OPCML: variants seen among roughly 807,000 people sequenced by gnomAD.
The protein encoded by OPCML is opioid binding protein/cell adhesion molecule like, also known as opioid-binding protein/cell adhesion molecule.
Under a neutral mutation model 37.8 loss-of-function variants are expected in OPCML, and 13 were observed. The observed-to-expected ratio is 0.34, with a 90% CI of 0.22 to 0.55. The LOEUF is 0.55. OPCML is among the 20% of genes least tolerant of loss of function. The pLI is 0.91. For synonymous variants in OPCML, 176 were observed against 168.8 expected (o/e 1.04, Z -0.33); for missense variants, 341 against 435.6 (o/e 0.78, Z 1.93).
intron 3 of OPCML, among the ~76,000 whole-genome samples, chr11:132,643,909 T>G (rs73593148): frequency 0.048 from 7,309 of 152,294 alleles, 441 homozygotes; most frequent in African/African-American, 0.14. Context: ...GCAAACTTTG[T>G]GTCTGAAAGA....
At chr11:132,535,012 A>T (rs1427228945) in intron 3 of OPCML, among the ~76,000 whole-genome samples, 1 of 147,640 alleles carries the variant, frequency 6.8e-6, no homozygotes, top group Non-Finnish European at 1.5e-5. Flanking sequence ...ACACACACAC[A>T]TATATATATA....
At chr11:132,764,375 C>T (rs1946368934) in intron 2 of OPCML, among the ~76,000 whole-genome samples, 1 of 152,180 alleles carries the variant, frequency 6.6e-6, no homozygotes, top group Non-Finnish European at 1.5e-5. Flanking sequence ...CTCATCCTAC[C>T]TGCTGGGGAA....
At chr11:133,137,084 G>A (rs1278776279) in intron 1 of OPCML, among the ~76,000 whole-genome samples, 2 of 152,134 alleles carry the variant, frequency 1.3e-5, no homozygotes, top group African/African-American at 2.4e-5. Flanking sequence ...CTCATCGCTG[G>A]TTTAGCTCCT....
intron 2 of OPCML, among the ~76,000 whole-genome samples, chr11:132,776,948 T>C (rs1196617212): frequency 6.6e-6 from 1 of 151,904 alleles, no homozygotes; most frequent in South Asian, 2.1e-4. Context: ...ATTAGCCCCA[T>C]CATCACCAAA....
intron 3 of OPCML, among the ~76,000 whole-genome samples, chr11:132,546,550 A>G (rs1386972179): frequency 2.0e-5 from 3 of 152,130 alleles, no homozygotes; most frequent in Non-Finnish European, 4.4e-5. Context: ...TTTTTAGTAA[A>G]TCATCTTTCC....
chr11:133,322,223 T>C (rs1289415041), intron 1 of OPCML, among the ~76,000 whole-genome samples: 1 of 152,206 alleles, frequency 6.6e-6, no homozygotes, highest in Non-Finnish European at 1.5e-5. Flanking sequence ...TTAAAATTGG[T>C]TTCATTCTCT....
chr11:132,487,570 C>T (rs1001505895), intron 4 of OPCML, among the ~76,000 whole-genome samples: 1 of 152,184 alleles, frequency 6.6e-6, no homozygotes, highest in African/African-American at 2.4e-5. Flanking sequence ...TTGCTTTTCT[C>T]GTGATGCTTC....
At chr11:132,790,869 C>T (rs1018803458) in intron 2 of OPCML, among the ~76,000 whole-genome samples, 2 of 152,250 alleles carry the variant, frequency 1.3e-5, no homozygotes, top group East Asian at 1.9e-4. Context: ...AGAAATCACA[C>T]GGAAAACACA....
intron 2 of OPCML, among the ~76,000 whole-genome samples, chr11:132,811,913 G>A (rs1027795104): frequency 4.6e-5 from 7 of 152,140 alleles, no homozygotes; most frequent in African/African-American, 1.2e-4. Context: ...GAACATAATC[G>A]CAGAACAGTG....
At chr11:133,514,917 T>C (rs1279874088) in intron 1 of OPCML, among the ~76,000 whole-genome samples, 1 of 152,218 alleles carries the variant, frequency 6.6e-6, no homozygotes, top group Non-Finnish European at 1.5e-5. Context: ...GCTAAATTAA[T>C]AATGCAGCTA....
At chr11:133,086,983 A>ATACACTTGAGCCTGCCTGAGATGAGAT (rs1437926684) in intron 1 of OPCML, among the ~76,000 whole-genome samples, 2 of 152,204 alleles carry the variant, frequency 1.3e-5, no homozygotes, top group East Asian at 3.9e-4. Flanking sequence ...GAACCTAAGT[A>ATACACTTGAGCCTGCCTGAGATGAGAT]TACACTTGAG....
intron 2 of OPCML, among the ~76,000 whole-genome samples, chr11:132,677,565 A>C (rs1389384171): frequency 6.6e-6 from 1 of 152,178 alleles, no homozygotes; most frequent in Non-Finnish European, 1.5e-5. Context: ...ATAGACTCCA[A>C]GTAAATGGGA....
At chr11:133,381,566 G>A (rs1944927830) in intron 1 of OPCML, among the ~76,000 whole-genome samples, 1 of 152,154 alleles carries the variant, frequency 6.6e-6, no homozygotes, top group South Asian at 2.1e-4. Context: ...ATCACGGAAA[G>A]ACACACACTC....
At chr11:133,423,349 C>T in intron 1 of OPCML, 4 of 985,394 alleles carry the variant, frequency 4.1e-6, no homozygotes, top group Non-Finnish European at 4.8e-6. Flanking sequence ...GTCATGTGAG[C>T]TAGCTGCAGA....
intron 2 of OPCML, among the ~76,000 whole-genome samples, chr11:132,935,759 G>A (rs1324285878): frequency 1.3e-5 from 2 of 152,182 alleles, no homozygotes; most frequent in African/African-American, 4.8e-5. Context: ...ATACAAGGAT[G>A]GGAGGGAGGA....
intron 3 of OPCML, among the ~76,000 whole-genome samples, chr11:132,645,304 T>C (rs527861282): frequency 8.5e-5 from 13 of 152,358 alleles, no homozygotes; most frequent in African/African-American, 3.1e-4. Context: ...GGACGTGGCT[T>C]TTCATGATGT....
At chr11:133,323,224 T>C (rs905553127) in intron 1 of OPCML, among the ~76,000 whole-genome samples, 8 of 152,070 alleles carry the variant, frequency 5.3e-5, no homozygotes, top group African/African-American at 1.9e-4. Flanking sequence ...CACATGAGGG[T>C]ATCTGGTGGC....
chr11:133,342,861 T>C (rs75024237), intron 1 of OPCML, among the ~76,000 whole-genome samples: 8,254 of 152,208 alleles, frequency 0.054, 270 homozygotes, highest in Non-Finnish European at 0.075. Flanking sequence ...ATGGAGACTT[T>C]GCTGAGAATT....
intron 1 of OPCML, among the ~76,000 whole-genome samples, chr11:133,351,643 C>T (rs529858362): frequency 2.1e-4 from 32 of 152,258 alleles, no homozygotes; most frequent in African/African-American, 7.7e-4. Flanking sequence ...TCAAGAAATC[C>T]CATGGTTTTA....
Sources: allele counts gnomAD v4.1 joint callset (sites outside exome capture counted in the v4.1 genomes callset), GRCh38; gene constraint gnomAD v4.1.1; transcripts MANE v1.5; gene names NCBI Gene and HGNC (gene_info 2026-07-23, HGNC 2026-07-21).